ATXN10: variants seen among roughly 807,000 people sequenced by gnomAD.
The protein encoded by ATXN10 is ataxin 10.
In ATXN10, 28 loss-of-function variants were observed where a neutral mutation model predicts 52.9. The observed-to-expected ratio is 0.53, with a 90% confidence interval of 0.39 to 0.73. ATXN10 has a LOEUF of 0.73. ATXN10 is among the 30% of genes least tolerant of loss of function. ATXN10 has a pLI of 0.00. For missense variants in ATXN10, 565 were observed against 577.0 expected, an observed-to-expected ratio of 0.98 and a Z score of 0.21; for synonymous variants, 226 against 221.5, an observed-to-expected ratio of 1.02 and a Z score of -0.18.
Position 45,705,340 on chromosome 22 carries a change from A to G in ATXN10, c.647+2493A>G, listed in dbSNP as rs930373137. ...AAAGGATCGGTATTCATCTTTAAATATGTGGTAGAATTCACTGGTGAAGCC... is the reference window on the plus strand; with the variant it reads ...AAAGGATCGGTATTCATCTTTAAATGTGTGGTAGAATTCACTGGTGAAGCC... On this transcript the variant is annotated intron_variant, in intron 5 of 11. Transcript: ENST00000252934. The surrounding 1 kb of genome is among the most constrained non-coding windows in gnomAD (Gnocchi z 5.2). Among the ~76,000 whole-genome samples, 30 of 152,066 alleles carry G rather than the reference A, an allele frequency of 2.0e-4. No homozygotes were observed. Among genetic ancestry groups the G allele is most frequent in the Admixed American group, 5.2e-4 (8 of 15,268 alleles).
At chr22:45,676,891 TGCCTCCTTCCCCAGTAGCTGGGACTACA>T (rs1349302820) in intron 1 of ATXN10, 2 of 152,362 alleles carry the variant, frequency 1.3e-5, no homozygotes, top group Non-Finnish European at 2.9e-5. Flanking sequence ...GCAATCCTCC[TGCCTCCTTCCCCAGTAGCTGGGACTACA>T]GGTGTACACC....
intron 1 of ATXN10, chr22:45,680,140 A>AAT (rs2146725962): frequency 6.6e-6 from 1 of 152,338 alleles, no homozygotes; most frequent in South Asian, 2.1e-4. Context: ...TAGAGAAGTT[A>AAT]TTAGAGTTAA....
intron 9 of ATXN10, among the ~76,000 whole-genome samples, chr22:45,794,698 G>C (rs2146869893): frequency 6.6e-6 from 1 of 152,242 alleles, no homozygotes; most frequent in South Asian, 2.1e-4. Context: ...AAGGAAAACT[G>C]TTAATCTAGA....
In ATXN10 at chr22:45,705,778, G is replaced by T. The variant is rs550129068; in HGVS notation, c.647+2931G>T. ...TTCAGATTGTTGTCTTCTTGGGTTGGTTTTGGTAGTTTGTGTCTTTCTAGG... is the reference window on the plus strand; with the variant it reads ...TTCAGATTGTTGTCTTCTTGGGTTGTTTTTGGTAGTTTGTGTCTTTCTAGG... On this transcript the variant is annotated intron_variant, in intron 5 of 11. Coordinates refer to ENST00000252934, the MANE Select transcript of ATXN10 (RefSeq NM_013236.4). The surrounding 1 kb of genome is among the most constrained non-coding windows in gnomAD (Gnocchi z 5.2). Among the ~76,000 whole-genome samples the T allele has an allele frequency of 6.6e-6, 1 of 152,106 alleles. No homozygotes were observed. The highest frequency in any genetic ancestry group is 1.9e-4 in the East Asian group (1 of 5,170).
intron 7 of ATXN10, among the ~76,000 whole-genome samples, chr22:45,730,344 C>CA (rs138162): frequency 0.16 from 12,402 of 76,824 alleles, 672 homozygotes; most frequent in Middle Eastern, 0.25. Flanking sequence ...ACCCTTGTCT[C>CA]AAAAAAAAAA....
intron 9 of ATXN10, 200 bp downstream of exon 9, chr22:45,740,738 A>ATG (rs112950925): frequency 0.017 from 4,687 of 270,898 alleles, 247 homozygotes; most frequent in African/African-American, 0.15. Context: ...ACACACACAC[A>ATG]CGTGTGTGTG....
intron 9 of ATXN10, among the ~76,000 whole-genome samples, chr22:45,777,044 C>T (rs923182721): frequency 1.3e-5 from 2 of 152,178 alleles, no homozygotes; most frequent in African/African-American, 4.8e-5. Context: ...TATGCATGAG[C>T]ATTAATTTTA....
At position 45,688,896 on chromosome 22, in the gene ATXN10, T is replaced by G. The variant is rs1923255230; in HGVS notation, c.117-816T>G. Among the ~76,000 whole-genome samples the G allele has an allele frequency of 6.6e-6, 1 of 152,228 alleles. No homozygotes were observed. Among genetic ancestry groups the G allele is most frequent in the Non-Finnish European group, 1.5e-5 (1 of 68,036 alleles). On this transcript the variant is annotated intron_variant, in intron 1 of 11. Coordinates refer to ENST00000252934, the MANE Select transcript of ATXN10 (RefSeq NM_013236.4). The surrounding 1 kb of genome is among the most constrained non-coding windows in gnomAD (Gnocchi z 4.0). ...ATGGAATGAGGAAGTTGGCTTGCATTTAGGTGCAATGTTGCACAAAAAATT... is the reference window on the plus strand; with the variant it reads ...ATGGAATGAGGAAGTTGGCTTGCATGTAGGTGCAATGTTGCACAAAAAATT...
chr22:45,695,079 C>T (rs773384784), intron 3 of ATXN10, among the ~76,000 whole-genome samples: 1 of 151,602 alleles, frequency 6.6e-6, no homozygotes, highest in Admixed American at 6.6e-5. Flanking sequence ...GCCTGTAATC[C>T]CAGCACTTTG....
At chr22:45,811,285 T>C (rs1428348404) in intron 10 of ATXN10, among the ~76,000 whole-genome samples, 1 of 152,194 alleles carries the variant, frequency 6.6e-6, no homozygotes, top group East Asian at 1.9e-4. Flanking sequence ...CTGCCTAATA[T>C]TAATATAGCT....
intron 9 of ATXN10, among the ~76,000 whole-genome samples, chr22:45,741,243 G>A (rs778583438): frequency 1.3e-5 from 2 of 152,218 alleles, no homozygotes; most frequent in Admixed American, 6.5e-5. Context: ...TGTGTCTGCA[G>A]TATGACTTTG....
Position 45,790,922 on chromosome 22 carries a change from A to C in ATXN10, c.1174-16037A>C, listed in dbSNP as rs1307304931. On this transcript the variant is annotated intron_variant, in intron 9 of 11. Coordinates refer to ENST00000252934, the MANE Select transcript of ATXN10 (RefSeq NM_013236.4). This position sits in a 1 kb window ranked among gnomAD's most constrained non-coding sequence, Gnocchi z 4.7. ...CAATCTGCAGTGCAGTGGCACAGAC[A>C]TAGCTTACTGTACTCTCGAACTCCT... Among the ~76,000 whole-genome samples the C allele has an allele frequency of 2.0e-5, 3 of 152,142 alleles. No individual in the cohort carries two copies. Among genetic ancestry groups the C allele is most frequent in the Non-Finnish European group, 4.4e-5 (3 of 68,030 alleles).
intron 10 of ATXN10, among the ~76,000 whole-genome samples, chr22:45,822,611 A>G (rs559193616): frequency 5.9e-4 from 86 of 145,716 alleles, no homozygotes; most frequent in African/African-American, 2.0e-3. Context: ...GCTCACTGCA[A>G]CCTCCATCTC....
intron 6 of ATXN10, among the ~76,000 whole-genome samples, chr22:45,722,747 T>C (rs576903706): frequency 1.3e-5 from 2 of 152,210 alleles, no homozygotes; most frequent in South Asian, 4.2e-4. Flanking sequence ...TGAACAACTT[T>C]GATTTCCACC....
At chr22:45,785,339 C>T (rs1335973560) in intron 9 of ATXN10, among the ~76,000 whole-genome samples, 1 of 152,160 alleles carries the variant, frequency 6.6e-6, no homozygotes, top group Non-Finnish European at 1.5e-5. Flanking sequence ...ACTTCACTGG[C>T]CAGCTTTTGA....
At chr22:45,802,475 T>A (rs973898365) in intron 9 of ATXN10, among the ~76,000 whole-genome samples, 1 of 152,264 alleles carries the variant, frequency 6.6e-6, no homozygotes, top group Non-Finnish European at 1.5e-5. Context: ...TATTGGTGTC[T>A]GCTTTTCCCA....
intron 10 of ATXN10, among the ~76,000 whole-genome samples, chr22:45,808,882 A>C (rs1413102561): frequency 6.6e-6 from 1 of 152,236 alleles, no homozygotes; most frequent in African/African-American, 2.4e-5. Flanking sequence ...TTTTAGAATG[A>C]TAATCAGTGA....
intron 5 of ATXN10, among the ~76,000 whole-genome samples, chr22:45,704,705 C>T (rs1046199706): frequency 6.6e-6 from 1 of 152,110 alleles, no homozygotes; most frequent in Non-Finnish European, 1.5e-5. Context: ...TTTTTCTGTA[C>T]AGGACCGTGC....
chr22:45,695,247 C>T (rs1047094608), intron 3 of ATXN10, among the ~76,000 whole-genome samples: 3 of 150,520 alleles, frequency 2.0e-5, no homozygotes, highest in Non-Finnish European at 4.4e-5. Flanking sequence ...TGGCATGCAC[C>T]CAGGAGGCAG....
Sources: allele counts gnomAD v4.1 joint callset (sites outside exome capture counted in the v4.1 genomes callset), GRCh38; gene constraint gnomAD v4.1.1; non-coding constraint Gnocchi (gnomAD v3.1); transcripts MANE v1.5; gene names NCBI Gene and HGNC (gene_info 2026-07-23, HGNC 2026-07-21).